ACCSL: variants seen among roughly 807,000 people sequenced by gnomAD.
The protein encoded by ACCSL is probable inactive 1-aminocyclopropane-1-carboxylate synthase-like protein 2.
In ACCSL, 55 loss-of-function variants were observed where a neutral mutation model predicts 61.7. That is an observed-to-expected ratio of 0.89 (90% CI 0.72 to 1.12). The LOEUF (loss-of-function observed/expected upper bound fraction) is 1.12, where lower values mean the gene tolerates loss of function less well. ACCSL is among the 50% of genes most tolerant of loss of function. The pLI, the probability that ACCSL is intolerant of heterozygous loss-of-function variation, is 0.00. For synonymous variants in ACCSL, 258 were observed against 264.3 expected (o/e 0.98, Z 0.23); for missense variants, 632 against 698.0 (o/e 0.91, Z 1.07).
At chr11:43,986,748 T>A in the ACCSL span, among the ~76,000 whole-genome samples, 1 of 152,210 alleles carries the variant, frequency 6.6e-6, no homozygotes, top group Non-Finnish European at 1.5e-5. Flanking sequence ...CTGCATCACA[T>A]GAGTTTGTCA....
rs1952687652 is a variant in ACCSL at position 44,058,706 on chromosome 11, G to A, written c.1624+7G>A. On this transcript the variant is annotated splice_region_variant and intron_variant, in intron 13 of 13. Coordinates refer to ENST00000378832, the MANE Select transcript of ACCSL (RefSeq NM_001031854.2). ...CTCCCCCGGCTAAAATTGGGTGAGT[G>A]GAGCTGACCTCCCAATCCTTTAAAG... The A allele has an allele frequency of 4.4e-6, 7 of 1,605,572 alleles. No homozygotes were observed. Among genetic ancestry groups the A allele is most frequent in the Non-Finnish European group, 5.1e-6 (6 of 1,174,730 alleles).
the ACCSL span, among the ~76,000 whole-genome samples, chr11:44,029,682 G>C: frequency 1.3e-5 from 2 of 152,162 alleles, no homozygotes; most frequent in African/African-American, 4.8e-5. Flanking sequence ...TAATCTGGAA[G>C]ATACCTTCTA....
At chr11:43,982,791 G>C in the ACCSL span, among the ~76,000 whole-genome samples, 1 of 152,200 alleles carries the variant, frequency 6.6e-6, no homozygotes, top group Non-Finnish European at 1.5e-5. Flanking sequence ...CCCCAGAAGC[G>C]AGTCTGAGTA....
chr11:43,988,792 G>A, the ACCSL span, among the ~76,000 whole-genome samples: 1 of 142,206 alleles, frequency 7.0e-6, no homozygotes, highest in Non-Finnish European at 1.5e-5. Context: ...ATTTCTGTCT[G>A]CTGATTCTCT....
chr11:44,021,436 T>A, the ACCSL span, among the ~76,000 whole-genome samples: 1 of 152,200 alleles, frequency 6.6e-6, no homozygotes, highest in African/African-American at 2.4e-5. Flanking sequence ...TGTCTATTCA[T>A]GTCCTTTGTC....
At chr11:43,980,754 G>T in the ACCSL span, among the ~76,000 whole-genome samples, 1 of 152,114 alleles carries the variant, frequency 6.6e-6, no homozygotes, top group African/African-American at 2.4e-5. Flanking sequence ...TGAAAAGCTA[G>T]TAGCTTTTCA....
the ACCSL span, among the ~76,000 whole-genome samples, chr11:43,999,516 G>T: frequency 2.0e-5 from 3 of 152,216 alleles, no homozygotes; most frequent in African/African-American, 7.2e-5. Flanking sequence ...CTTGCAGGCT[G>T]TTGACTGCAG....
chr11:44,005,274 G>A, the ACCSL span, among the ~76,000 whole-genome samples: 1 of 152,176 alleles, frequency 6.6e-6, no homozygotes, highest in Admixed American at 6.5e-5. Flanking sequence ...CGGATTGGCT[G>A]ATGGGCTTTC....
chr11:43,934,276 T>C, the ACCSL span, among the ~76,000 whole-genome samples: 1 of 152,216 alleles, frequency 6.6e-6, no homozygotes, highest in South Asian at 2.1e-4. Context: ...GCTGAAGCAG[T>C]TGGTTAAATG....
At chr11:43,964,066 A>G in the ACCSL span, among the ~76,000 whole-genome samples, 2 of 99,848 alleles carry the variant, frequency 2.0e-5, no homozygotes, top group African/African-American at 7.7e-5. Context: ...TTAATCTGAA[A>G]ATATTAAAAA....
chr11:44,050,533 A>G lies in ACCSL; in HGVS notation c.565-19A>G. On this transcript the variant is annotated intron_variant, in intron 2 of 13. Coordinates refer to ENST00000378832, the MANE Select transcript of ACCSL (RefSeq NM_001031854.2). Reference sequence around the variant, plus strand: ...GAACTTCCCTGGCCTACCTGTCTTCATGTTCTATTTGTCAACAGTTGCAAG... The same window carrying G: ...GAACTTCCCTGGCCTACCTGTCTTCGTGTTCTATTTGTCAACAGTTGCAAG... The G allele has an allele frequency of 6.2e-7, 1 of 1,613,058 alleles. No individual in the cohort carries two copies. The highest frequency in any genetic ancestry group is 8.5e-7 in the Non-Finnish European group (1 of 1,179,392).
At chr11:43,947,176 G>A in the ACCSL span, 1 of 152,166 alleles carries the variant, frequency 6.6e-6, no homozygotes, top group Non-Finnish European at 1.5e-5. Context: ...GGAGCAAGAG[G>A]GAGGCCAGAG....
intron 3 of ACCSL, among the ~76,000 whole-genome samples, chr11:44,050,997 A>G (rs1409073230): frequency 6.6e-6 from 1 of 151,920 alleles, no homozygotes; most frequent in East Asian, 1.9e-4. Context: ...GCCCGCCACC[A>G]CGCCCAGCTA....
chr11:44,035,570 C>G, the ACCSL span, among the ~76,000 whole-genome samples: 2 of 152,116 alleles, frequency 1.3e-5, no homozygotes, highest in African/African-American at 2.4e-5. Flanking sequence ...ATTAGTTCCT[C>G]TCTTCAAGAT....
At chr11:43,936,647 G>A in the ACCSL span, among the ~76,000 whole-genome samples, 6 of 152,190 alleles carry the variant, frequency 3.9e-5, no homozygotes, top group East Asian at 1.9e-4. Flanking sequence ...AGTCCATGGC[G>A]GCACTTAGGT....
At chr11:44,012,914 T>C in the ACCSL span, among the ~76,000 whole-genome samples, 13 of 152,326 alleles carry the variant, frequency 8.5e-5, no homozygotes, top group Middle Eastern at 3.4e-3. Flanking sequence ...CTTGGTGTCC[T>C]TTACTGGGTT....
chr11:43,968,203 G>A, the ACCSL span, among the ~76,000 whole-genome samples: 3,483 of 152,188 alleles, frequency 0.023, 147 homozygotes, highest in African/African-American at 0.08. Context: ...AATGTCAATA[G>A]TGCCAAGGTG....
chr11:43,924,534 TGGAGGCCGGAGGCC>T, the ACCSL span, among the ~76,000 whole-genome samples: 10 of 152,218 alleles, frequency 6.6e-5, no homozygotes, highest in South Asian at 2.1e-4. Context: ...GACAGGGACC[TGGAGGCCGGAGGCC>T]GGAGGCCGGG....
chr11:44,046,655 G>GT (rs376428267), upstream of ACCSL, among the ~76,000 whole-genome samples: 149 of 151,546 alleles, frequency 9.8e-4, 1 homozygote, highest in African/African-American at 3.1e-3. Flanking sequence ...AAGCAACGAG[G>GT]TTTTTTTTTG....
Sources: allele counts gnomAD v4.1 joint callset (sites outside exome capture counted in the v4.1 genomes callset), GRCh38; gene constraint gnomAD v4.1.1; transcripts MANE v1.5; gene names NCBI Gene and HGNC (gene_info 2026-07-23, HGNC 2026-07-21).